MRPS5: variants seen among roughly 807,000 people sequenced by gnomAD.
MRPS5 encodes the protein small ribosomal subunit protein uS5m.
A neutral mutation model predicts 51.9 loss-of-function variants in MRPS5; 27 were observed. That is an observed-to-expected ratio of 0.52 (90% CI 0.38 to 0.72). The LOEUF (loss-of-function observed/expected upper bound fraction) is 0.72, where lower values mean the gene tolerates loss of function less well. Ranked by LOEUF, MRPS5 falls within the 30% of genes least tolerant of loss-of-function variation. The probability of loss-of-function intolerance (pLI) is 0.00; values close to 1 mark genes in which losing one functional copy is unlikely to be tolerated. For missense variants in MRPS5, 570 were observed against 545.7 expected (o/e 1.04, Z -0.44); for synonymous variants, 196 against 193.2 (o/e 1.01, Z -0.12).
intron 10 of MRPS5, chr2:95,092,205 C>CA (rs1377249300): frequency 6.6e-6 from 1 of 152,162 alleles, no homozygotes; most frequent in African/African-American, 2.4e-5. Flanking sequence ...CACAGACTGT[C>CA]AAAAAACACT....
At chr2:95,103,495 A>T (rs1423362973) in intron 7 of MRPS5, among the ~76,000 whole-genome samples, 1 of 152,238 alleles carries the variant, frequency 6.6e-6, no homozygotes, top group Admixed American at 6.5e-5. Flanking sequence ...ACATTGATGC[A>T]ACCTTTTGTG....
chr2:95,118,650 T>G (rs1318282202), intron 1 of MRPS5, among the ~76,000 whole-genome samples: 4 of 152,254 alleles, frequency 2.6e-5, no homozygotes, highest in Non-Finnish European at 5.9e-5. Context: ...GACTGTACTG[T>G]GTACCCTCTC....
At chr2:95,090,606 G>T in intron 10 of MRPS5, 84 bp from the exon 11 acceptor site, 2 of 1,533,842 alleles carry the variant, frequency 1.3e-6, no homozygotes, top group Non-Finnish European at 8.9e-7. Context: ...ATGGCTTCAG[G>T]CTCTGGGCTT....
At chr2:95,088,791 G>T (rs772927182) in intron 11 of MRPS5, among the ~76,000 whole-genome samples, 4 of 152,226 alleles carry the variant, frequency 2.6e-5, no homozygotes, top group Non-Finnish European at 5.9e-5. Context: ...AGTCTAGGCT[G>T]GGCGCGGTGG....
chr2:95,119,188 A>C (rs1676371765), intron 1 of MRPS5, among the ~76,000 whole-genome samples: 1 of 152,244 alleles, frequency 6.6e-6, no homozygotes, highest in Non-Finnish European at 1.5e-5. Context: ...ACATATTTGA[A>C]TAGCTATTTC....
Position 95,100,531 on chromosome 2 carries a change from G to T in MRPS5, c.874C>A (p.His292Asn). Residue 292 changes from histidine to asparagine, a missense_variant, in exon 10 of 12, where the codon CAT becomes AAT. Physicochemically the swap from His to Asn is moderately conservative, Grantham distance 68 (BLOSUM62 1). Transcript: ENST00000272418. ...CTTTTAAATCTTAATGAAATATCAT[G>T]GAATACTGGAGGGTAAAAACATAAA... ...IERYEDHTIF[H>N]DISLRFKRTH... 6.2e-7 allele frequency: 1 copy of T among 1,604,420 alleles called. No individual in the cohort carries two copies.
rs909842787 is a variant in MRPS5, at chr2:95,085,823, A to G, written c.*1534T>C. Among the ~76,000 whole-genome samples the G allele has an allele frequency of 2.6e-5, 4 of 152,236 alleles. No homozygotes were observed. Among genetic ancestry groups the G allele is most frequent in the Admixed American group, 6.5e-5 (1 of 15,284 alleles). On this transcript the variant is annotated 3_prime_UTR_variant, in exon 12 of 12. Coordinates refer to ENST00000272418, the MANE Select transcript of MRPS5 (RefSeq NM_031902.5). Reference sequence around the variant, plus strand: ...CAGGATACAGCCAAAGTCACTCATCATAACAAGAACTAGGACATTGTAAAC... The same window carrying G: ...CAGGATACAGCCAAAGTCACTCATCGTAACAAGAACTAGGACATTGTAAAC...
chr2:95,109,457 G>T (rs1558684414), intron 4 of MRPS5, among the ~76,000 whole-genome samples: 1 of 152,222 alleles, frequency 6.6e-6, no homozygotes, highest in Admixed American at 6.5e-5. Context: ...ACTTGTTTTT[G>T]TAAATGAAAT....
At chr2:95,112,261 CA>C (rs762777328) in intron 3 of MRPS5, among the ~76,000 whole-genome samples, 2 of 152,100 alleles carry the variant, frequency 1.3e-5, no homozygotes, top group African/African-American at 2.4e-5. Flanking sequence ...GACGGGGTTT[CA>C]CCATATTGGT....
chr2:95,119,430 C>T (rs1442628919), intron 1 of MRPS5, among the ~76,000 whole-genome samples: 3 of 151,090 alleles, frequency 2.0e-5, no homozygotes, highest in East Asian at 4.0e-4. Flanking sequence ...GTCAACATTG[C>T]GAGACCCTGT....
At chr2:95,121,683 C>T in intron 1 of MRPS5, 51 bp downstream of exon 1, 2 of 1,513,388 alleles carry the variant, frequency 1.3e-6, no homozygotes, top group Non-Finnish European at 1.8e-6. Flanking sequence ...CAGGCGAGCC[C>T]CCCACTCCCG....
At position 95,108,168 on chromosome 2, in the gene MRPS5, T is replaced by C; in HGVS notation, c.637+7A>G. On this transcript the variant is annotated splice_region_variant and intron_variant, in intron 5 of 11. Coordinates refer to ENST00000272418, the MANE Select transcript of MRPS5 (RefSeq NM_031902.5). ...CACAAAGGCAAACAAAACCAGGAGTTTGCTACCTCCACAGGGACCAGGGTC... is the reference window on the plus strand; with the variant it reads ...CACAAAGGCAAACAAAACCAGGAGTCTGCTACCTCCACAGGGACCAGGGTC... 2.5e-6 allele frequency: 4 copies of C among 1,613,352 alleles called. No individual in the cohort carries two copies. Among genetic ancestry groups the C allele is most frequent in the Non-Finnish European group, 3.4e-6 (4 of 1,179,296 alleles).
chr2:95,109,960 T>C lies in MRPS5; in HGVS notation c.359A>G (p.Lys120Arg). 3.7e-6 allele frequency: 6 copies of C among 1,614,082 alleles called. No homozygotes were observed. Among genetic ancestry groups the C allele is most frequent in the Non-Finnish European group, 4.2e-6 (5 of 1,180,016 alleles). ...CCTGTTCAGATCCTTTCTTTTCTTC[T>C]TTTTAGTTCTTTTGCCTCTTCCTTT... ...AKKGRGKRTK[K>R]KKRKDLNRGQ... The change falls in exon 4 of 12, where the codon AAG becomes AGG. Residue 120 changes from lysine to arginine, a missense_variant. Physicochemically the swap from Lys to Arg is conservative, Grantham distance 26. Transcript: ENST00000272418.
Position 95,087,521 on chromosome 2 carries a change from A to T in MRPS5, c.1129T>A (p.Cys377Ser). 3 of 1,614,192 alleles carry T rather than the reference A, an allele frequency of 1.9e-6. No individual in the cohort carries two copies. The highest frequency in any genetic ancestry group is 2.5e-6 in the Non-Finnish European group (3 of 1,180,036). The change falls in exon 12 of 12, where the codon TGT (cysteine) becomes AGT (serine). Residue 377 changes from cysteine (C) to serine (S), a missense_variant. Cys to Ser is a moderately radical substitution (Grantham distance 112). Transcript: ENST00000272418. ...GLHVVEIREECGPLPIVVASP... is the reference protein window; with the variant it reads ...GLHVVEIREESGPLPIVVASP... ...GCAACCACAATGGGCAGAGGGCCAC[A>T]TTCCTCCCGGATTTCCACAACATGG...
chr2:95,109,840 T>C (rs1676064624), intron 4 of MRPS5, 76 bp downstream of exon 4: 5 of 1,513,792 alleles, frequency 3.3e-6, no homozygotes, highest in Admixed American at 4.0e-5. Flanking sequence ...TTGATGCTTC[T>C]AGTTTGTAAA....
intron 1 of MRPS5, among the ~76,000 whole-genome samples, chr2:95,118,316 A>G (rs972025120): frequency 1.3e-5 from 2 of 152,250 alleles, no homozygotes; most frequent in Admixed American, 6.5e-5. Context: ...CTTTTCTAAA[A>G]TAACAGGTCT....
chr2:95,089,065 C>T (rs1675383361), intron 11 of MRPS5, among the ~76,000 whole-genome samples: 1 of 152,110 alleles, frequency 6.6e-6, no homozygotes, highest in Non-Finnish European at 1.5e-5. Context: ...AAGACTCTGT[C>T]TCAAAAAGCA....
intron 2 of MRPS5, among the ~76,000 whole-genome samples, chr2:95,116,097 G>T (rs1676278851): frequency 6.6e-6 from 1 of 151,638 alleles, no homozygotes; most frequent in African/African-American, 2.4e-5. Flanking sequence ...GTAGAGACAG[G>T]GTTTCACCAT....
chr2:95,121,896 C>G (rs1676469014), upstream of MRPS5: 22 of 1,290,900 alleles, frequency 1.7e-5, no homozygotes, highest in Admixed American at 5.0e-5. Flanking sequence ...CAGCGGAATT[C>G]CTGAGGCCCG....
Sources: gnomAD v4.1 joint callset for allele counts (sites outside exome capture counted in the v4.1 genomes callset) on GRCh38, gnomAD v4.1.1 for gene constraint, MANE v1.5 for transcripts, NCBI Gene and HGNC (gene_info 2026-07-23, HGNC 2026-07-21) for gene names.